The following CCDC66 variants were observed in gnomAD, a reference collection of about 807,000 sequenced individuals.
CCDC66 encodes the protein coiled-coil domain-containing protein 66.
Under a neutral mutation model 128.3 loss-of-function variants are expected in CCDC66, and 133 were observed. The ratio of observed to expected loss-of-function variants is 1.04; its 90% CI spans 0.90 to 1.20. CCDC66 has a LOEUF of 1.20. CCDC66 is among the 50% of genes most tolerant of loss of function. CCDC66 has a pLI of 0.00. For synonymous variants in CCDC66, 387 were observed against 357.0 expected, an observed-to-expected ratio of 1.08 and a Z score of -0.95; for missense variants, 1,126 against 1,075.5, an observed-to-expected ratio of 1.05 and a Z score of -0.66.
At chr3:56,598,150 T>TTTTGTTTGTTTG (rs149176783) in intron 10 of CCDC66, among the ~76,000 whole-genome samples, 1 of 109,114 alleles carries the variant, frequency 9.2e-6, no homozygotes, top group African/African-American at 2.8e-5. Flanking sequence ...TTTTGTTTTG[T>TTTTGTTTGTTTG]TTTGTTTGTT....
Position 56,571,306 on chromosome 3 carries a change from A to C in CCDC66, c.936+4A>C. On this transcript the variant is annotated splice_donor_region_variant and intron_variant, in intron 7 of 17. Transcript: ENST00000394672. ...TCAAATTCTTGACCAATCTAGGGTA[A>C]GACATCTTAATTGCAATTTTTAAAA... is the stretch of plus-strand genomic sequence containing the variant. The C allele has an allele frequency of 6.7e-7, 1 of 1,490,144 alleles. No homozygotes were observed. The highest frequency in any genetic ancestry group is 1.2e-5 in the South Asian group (1 of 81,734). The allele number at this position is 1,490,144 out of a possible 1,614,324, so 92.3% of individuals were successfully genotyped here. A position where few individuals can be genotyped will look rare whatever the true frequency, so the allele number is the denominator to read the frequency against.
chr3:56,587,827 C>G (rs2106840725), intron 7 of CCDC66, among the ~76,000 whole-genome samples: 1 of 152,234 alleles, frequency 6.6e-6, no homozygotes, highest in Non-Finnish European at 1.5e-5. Context: ...CGAGATCGCA[C>G]CACTGCACTC....
intron 7 of CCDC66, among the ~76,000 whole-genome samples, chr3:56,579,088 A>G (rs1045153093): frequency 5.9e-5 from 9 of 151,576 alleles, no homozygotes; most frequent in Admixed American, 2.7e-4. Flanking sequence ...CAATTTCAGA[A>G]CCTGTTATTG....
chr3:56,592,931 AGAACT>A lies in CCDC66; in HGVS notation c.937-33_937-29del, dbSNP rs367613758. ...GCACATATTAAGTGATTAGAAAAAG[AGAACT>A]GAACTTTAGATGGCTTTTATGGCTG... On this transcript the variant is annotated intron_variant, in intron 7 of 17. Transcript: ENST00000394672. 784 of 1,592,868 alleles carry A rather than the reference AGAACT, an allele frequency of 4.9e-4. 11 individuals are homozygous for A. The African/African-American group carries it at 9.7e-3, about 20-fold the overall frequency.
intron 7 of CCDC66, among the ~76,000 whole-genome samples, chr3:56,586,300 G>A (rs1480481031): frequency 1.3e-5 from 2 of 150,824 alleles, no homozygotes; most frequent in Admixed American, 6.7e-5. Flanking sequence ...AGGCTGAGGC[G>A]GGTGGATCAC....
chr3:56,588,536 AAAAAAT>A (rs2070254610), intron 7 of CCDC66, among the ~76,000 whole-genome samples: 1 of 152,184 alleles, frequency 6.6e-6, no homozygotes, highest in African/African-American at 2.4e-5. Flanking sequence ...GCATCAACCT[AAAAAAT>A]AAAAAGATCT....
chr3:56,563,167 C>T (rs2065329952), intron 3 of CCDC66, among the ~76,000 whole-genome samples: 1 of 151,696 alleles, frequency 6.6e-6, no homozygotes, highest in Non-Finnish European at 1.5e-5. Flanking sequence ...TCGAGACCAG[C>T]CCGGCTAACA....
At chr3:56,571,376 TAA>T (rs34099535) in intron 7 of CCDC66, 74 bp downstream of exon 7, 555 of 842,252 alleles carry the variant, frequency 6.6e-4, no homozygotes, top group Non-Finnish European at 8.4e-4. Context: ...TAAAGCTTAT[TAA>T]AAAAAAAAAG....
chr3:56,579,923 G>A (rs1465112778), intron 7 of CCDC66, among the ~76,000 whole-genome samples: 1 of 151,838 alleles, frequency 6.6e-6, no homozygotes, highest in Non-Finnish European at 1.5e-5. Context: ...TGTCTGTTAG[G>A]TCTGCTTGGT....
chr3:56,585,235 A>G (rs2069462169), intron 7 of CCDC66, among the ~76,000 whole-genome samples: 1 of 151,846 alleles, frequency 6.6e-6, no homozygotes, highest in Non-Finnish European at 1.5e-5. Context: ...GGTCCAGGAA[A>G]TCTTTGTACA....
chr3:56,617,059 ATAT>A, intron 13 of CCDC66, 50 bp from the exon 14 acceptor site: 1 of 1,319,546 alleles, frequency 7.6e-7, no homozygotes. Flanking sequence ...AAATTATTTA[ATAT>A]TGAAAATTTT....
intron 3 of CCDC66, among the ~76,000 whole-genome samples, chr3:56,563,103 G>C (rs2065316242): frequency 6.6e-6 from 1 of 151,860 alleles, no homozygotes; most frequent in Non-Finnish European, 1.5e-5. Flanking sequence ...GCTCACGCCT[G>C]TAATCCCAGC....
intron 8 of CCDC66, 133 bp downstream of exon 8, chr3:56,593,234 C>G: frequency 1.2e-6 from 1 of 842,334 alleles, no homozygotes; most frequent in Non-Finnish European, 1.8e-6. Flanking sequence ...CCATGTGAAC[C>G]TGTTTCATTG....
chr3:56,571,018 G>A (rs116265276), intron 6 of CCDC66, among the ~76,000 whole-genome samples, 163 bp from the exon 7 acceptor site: 81 of 152,164 alleles, frequency 5.3e-4, no homozygotes, highest in Non-Finnish European at 1.1e-3. Context: ...TTCTTATTCT[G>A]TGTCCCTAAA....
At chr3:56,560,489 G>A (rs959044814) in intron 3 of CCDC66, among the ~76,000 whole-genome samples, 2 of 152,198 alleles carry the variant, frequency 1.3e-5, no homozygotes, top group African/African-American at 4.8e-5. Flanking sequence ...CCAGCACTTT[G>A]GGAGGCCAAG....
At position 56,559,677 on chromosome 3, in the gene CCDC66, A is replaced by G. The variant is rs201193152; in HGVS notation, c.102+83A>G. On this transcript the variant is annotated intron_variant, in intron 3 of 17. Transcript: ENST00000394672. ...TAGTGGTTAGAAAATAATTCCTGGGAAATGTCAAGTGTTCTAAGGGGTTTG... is the reference window on the plus strand; with the variant it reads ...TAGTGGTTAGAAAATAATTCCTGGGGAATGTCAAGTGTTCTAAGGGGTTTG... 5.6e-5 allele frequency: 60 copies of G among 1,078,810 alleles called. No homozygotes were observed. The East Asian group carries it at 1.5e-3, about 28-fold the overall frequency. 66.8% of individuals were successfully genotyped at this position (1,078,810 alleles called of 1,614,324 possible). A position where few individuals can be genotyped will look rare whatever the true frequency, so the allele number is the denominator to read the frequency against.
intron 10 of CCDC66, among the ~76,000 whole-genome samples, chr3:56,608,703 G>T (rs1433919414): frequency 6.6e-6 from 1 of 152,076 alleles, no homozygotes; most frequent in African/African-American, 2.4e-5. Flanking sequence ...TAGATTGTCT[G>T]TCTGTGCTCT....
At chr3:56,615,888 AGT>A (rs2107372422) in intron 12 of CCDC66, 32 bp from the exon 13 acceptor site, 1 of 1,545,012 alleles carries the variant, frequency 6.5e-7, no homozygotes, top group East Asian at 2.4e-5. Flanking sequence ...ATATTCCTTA[AGT>A]GTTGTTTTAT....
chr3:56,616,930 T>C, intron 13 of CCDC66, 182 bp from the exon 14 acceptor site: 1 of 452,934 alleles, frequency 2.2e-6, no homozygotes, highest in African/African-American at 2.0e-5. Context: ...ATTAGAGTGG[T>C]GGCTGCCAGT....
Sources: gnomAD v4.1 joint callset for allele counts (sites outside exome capture counted in the v4.1 genomes callset) on GRCh38, gnomAD v4.1.1 for gene constraint, MANE v1.5 for transcripts, NCBI Gene and HGNC (gene_info 2026-07-23, HGNC 2026-07-21) for gene names.